Variants in ROBO2 observed in about 807,000 individuals in gnomAD.
The protein encoded by ROBO2 is roundabout guidance receptor 2, also known as roundabout homolog 2.
In ROBO2, 53 loss-of-function variants were observed where a neutral mutation model predicts 160.8. That is an observed-to-expected ratio of 0.33 (90% CI 0.26 to 0.41). The LOEUF (loss-of-function observed/expected upper bound fraction) is 0.41, where lower values mean the gene tolerates loss of function less well. ROBO2 is among the 10% of genes least tolerant of loss of function. The pLI, the probability that ROBO2 is intolerant of heterozygous loss-of-function variation, is 1.00. For missense variants in ROBO2, 1,577 were observed against 1,722.4 expected, an observed-to-expected ratio of 0.92 and a Z score of 1.49; for synonymous variants, 664 against 611.7, an observed-to-expected ratio of 1.09 and a Z score of -1.26.
chr3:76,551,019 C>T (rs2083384411), intron 2 of ROBO2, among the ~76,000 whole-genome samples: 1 of 151,762 alleles, frequency 6.6e-6, no homozygotes, highest in Non-Finnish European at 1.5e-5. Flanking sequence ...ACCTTCTAGG[C>T]AGGGACAGCT....
chr3:77,350,250 G>A (rs1367616646), intron 2 of ROBO2, among the ~76,000 whole-genome samples: 1 of 151,962 alleles, frequency 6.6e-6, no homozygotes, highest in Non-Finnish European at 1.5e-5. Flanking sequence ...GGTAATTTTG[G>A]GAGGCTGAGG....
intron 2 of ROBO2, among the ~76,000 whole-genome samples, chr3:76,861,897 A>G (rs1436134872): frequency 6.6e-6 from 1 of 152,170 alleles, no homozygotes; most frequent in Non-Finnish European, 1.5e-5. Context: ...TGCAAGTAAC[A>G]GAGACCATAA....
intron 2 of ROBO2, among the ~76,000 whole-genome samples, chr3:77,234,246 C>G (rs2087628685): frequency 6.6e-6 from 1 of 152,148 alleles, no homozygotes; most frequent in Non-Finnish European, 1.5e-5. Flanking sequence ...TCTGATTCTT[C>G]CCCCTCCCAT....
chr3:76,378,327 T>A (rs1422144993), intron 2 of ROBO2, among the ~76,000 whole-genome samples: 2 of 152,190 alleles, frequency 1.3e-5, no homozygotes, highest in Non-Finnish European at 2.9e-5. Flanking sequence ...GACTTGTTGA[T>A]GTACAAGGTA....
intron 2 of ROBO2, among the ~76,000 whole-genome samples, chr3:76,840,044 C>A (rs558736781): frequency 6.6e-6 from 1 of 151,832 alleles, no homozygotes; most frequent in East Asian, 1.9e-4. Context: ...TTATTTGAGT[C>A]TTCTCTCTTT....
Position 76,872,613 on chromosome 3 carries a change from A to G in ROBO2, c.110-225401A>G, listed in dbSNP as rs369960413. ...TGTTAGGCTATGAAACTTAAAATCA[A>G]TAAAGCCACAAACTGTGTAAGCTTT... On this transcript the variant is annotated intron_variant, in intron 2 of 26. Transcript: ENST00000487694. Among the ~76,000 whole-genome samples the G allele has an allele frequency of 5.1e-4, 78 of 152,184 alleles. No individual in the cohort carries two copies. In the East Asian group the frequency reaches 0.011, roughly 22 times the overall value.
intron 2 of ROBO2, among the ~76,000 whole-genome samples, chr3:76,354,402 A>G (rs1470197891): frequency 2.0e-5 from 3 of 151,914 alleles, no homozygotes; most frequent in Non-Finnish European, 1.5e-5. Context: ...CCTTAACAAA[A>G]TAAATCTCTT....
intron 2 of ROBO2, among the ~76,000 whole-genome samples, chr3:76,792,423 T>C (rs907642776): frequency 3.3e-5 from 5 of 151,752 alleles, no homozygotes; most frequent in African/African-American, 1.2e-4. Context: ...CAACTGTAAT[T>C]TGTTTTTTTG....
At chr3:77,262,371 AAGT>A (rs1278424068) in intron 2 of ROBO2, among the ~76,000 whole-genome samples, 1 of 152,194 alleles carries the variant, frequency 6.6e-6, no homozygotes, top group East Asian at 1.9e-4. Context: ...TTAAGAAAGT[AAGT>A]AGTAAGATAA....
chr3:77,343,521 A>C (rs749781271), intron 2 of ROBO2, among the ~76,000 whole-genome samples: 6 of 152,204 alleles, frequency 3.9e-5, no homozygotes, highest in Non-Finnish European at 7.3e-5. Context: ...CGTATTTAAC[A>C]TTGATAGGTT....
intron 17 of ROBO2, among the ~76,000 whole-genome samples, chr3:77,592,199 T>C (rs936934410): frequency 6.6e-6 from 1 of 152,190 alleles, no homozygotes; most frequent in Non-Finnish European, 1.5e-5. Context: ...TTAGATTGTG[T>C]ACTAAATTGT....
intron 2 of ROBO2, among the ~76,000 whole-genome samples, chr3:76,418,758 G>A (rs933131621): frequency 1.8e-4 from 27 of 149,408 alleles, no homozygotes; most frequent in African/African-American, 6.7e-4. Context: ...ATAATCACGT[G>A]TACTCTTTAC....
At chr3:76,635,967 A>C (rs952127433) in intron 2 of ROBO2, among the ~76,000 whole-genome samples, 1 of 152,190 alleles carries the variant, frequency 6.6e-6, no homozygotes, top group Non-Finnish European at 1.5e-5. Flanking sequence ...GCTGACAACC[A>C]ACAGCAACTG....
intron 4 of ROBO2, among the ~76,000 whole-genome samples, chr3:77,485,731 C>T (rs902050496): frequency 1.3e-5 from 2 of 152,082 alleles, no homozygotes; most frequent in Non-Finnish European, 2.9e-5. Flanking sequence ...TATGACTTCT[C>T]TTGTAGCAGA....
At chr3:77,224,831 G>T (rs1370144717) in intron 2 of ROBO2, among the ~76,000 whole-genome samples, 1 of 151,748 alleles carries the variant, frequency 6.6e-6, no homozygotes, top group African/African-American at 2.4e-5. Context: ...TATACTTTAT[G>T]TTATTAGACA....
intron 1 of ROBO2, among the ~76,000 whole-genome samples, chr3:75,928,980 CGTGTGT>C (rs60481031): frequency 1.1e-5 from 1 of 94,050 alleles, no homozygotes; most frequent in Non-Finnish European, 2.1e-5. Context: ...ATAAGACGTA[CGTGTGT>C]GTGTGTGTGT....
intron 2 of ROBO2, among the ~76,000 whole-genome samples, chr3:76,885,348 T>A (rs1456196557): frequency 6.6e-6 from 1 of 152,126 alleles, no homozygotes; most frequent in East Asian, 1.9e-4. Flanking sequence ...TGTGCAATTT[T>A]CTCCGATGCA....
intron 16 of ROBO2, among the ~76,000 whole-genome samples, chr3:77,580,995 A>G (rs2093904107): frequency 6.6e-6 from 1 of 152,144 alleles, no homozygotes; most frequent in South Asian, 2.1e-4. Flanking sequence ...ATTGTCACCA[A>G]CATTTGATGT....
At chr3:76,953,262 T>C (rs1024397025) in intron 2 of ROBO2, among the ~76,000 whole-genome samples, 4 of 152,010 alleles carry the variant, frequency 2.6e-5, no homozygotes, top group African/African-American at 9.7e-5. Context: ...TCGTTTAAAA[T>C]AAAAAAGATA....
Sources: gnomAD v4.1 joint callset for allele counts (sites outside exome capture counted in the v4.1 genomes callset) on GRCh38, gnomAD v4.1.1 for gene constraint, MANE v1.5 for transcripts, NCBI Gene and HGNC (gene_info 2026-07-23, HGNC 2026-07-21) for gene names.